Variants in PEAK1 observed in about 807,000 individuals in gnomAD.
PEAK1 encodes the protein inactive tyrosine-protein kinase PEAK1.
PEAK1 carries 54 observed loss-of-function variants against 124.7 expected under a neutral mutation model. The observed-to-expected ratio is 0.43, with a 90% CI of 0.35 to 0.54. PEAK1 has a LOEUF of 0.54. PEAK1 is among the 20% of genes least tolerant of loss of function. PEAK1 has a pLI of 0.01. For synonymous variants in PEAK1, 719 were observed against 760.0 expected, an observed-to-expected ratio of 0.95 and a Z score of 0.89; for missense variants, 2,046 against 2,134.5, an observed-to-expected ratio of 0.96 and a Z score of 0.82.
Position 77,418,487 on chromosome 15 carries a change from T to A in PEAK1, c.-666+1519A>T, listed in dbSNP as rs377734285. 59 of 985,160 alleles carry A rather than the reference T, an allele frequency of 6.0e-5. No homozygotes were observed. In the African/African-American group the frequency reaches 1.0e-3, roughly 17 times the overall value. 61.0% of individuals were successfully genotyped at this position (985,160 alleles called of 1,614,324 possible). A position where few individuals can be genotyped will look rare whatever the true frequency, so the allele number is the denominator to read the frequency against. On this transcript the variant is annotated intron_variant, in intron 1 of 9. Transcript: ENST00000682557. ...TGAGTTGGTCATATCCAAAATTCACTAGCAATGCTATGACTTCTACTTCCA... is the reference window on the plus strand; with the variant it reads ...TGAGTTGGTCATATCCAAAATTCACAAGCAATGCTATGACTTCTACTTCCA...
At chr15:77,420,832 T>G (rs1165766254), upstream of PEAK1, 1 of 398,476 alleles carries the variant, frequency 2.5e-6, no homozygotes, top group Non-Finnish European at 4.4e-6. Flanking sequence ...GTTAAGAGAT[T>G]AGGTAAAGAA....
At chr15:77,347,348 T>C in intron 2 of PEAK1, 1 of 985,286 alleles carries the variant, frequency 1.0e-6, no homozygotes, top group Non-Finnish European at 1.2e-6. Flanking sequence ...AAGCATGAGT[T>C]GAGAAATGCC....
At chr15:77,118,378 T>C (rs1477616837) in intron 9 of PEAK1, among the ~76,000 whole-genome samples, 1 of 152,102 alleles carries the variant, frequency 6.6e-6, no homozygotes, top group African/African-American at 2.4e-5. Context: ...TTATTCTAGG[T>C]ACCACATTGT....
intron 6 of PEAK1, among the ~76,000 whole-genome samples, chr15:77,202,976 G>A (rs1298308303): frequency 6.6e-6 from 1 of 150,914 alleles, no homozygotes; most frequent in Non-Finnish European, 1.5e-5. Flanking sequence ...GGCAGAGATT[G>A]CAGTGAGCTA....
intron 6 of PEAK1, among the ~76,000 whole-genome samples, chr15:77,215,710 A>G (rs1341902653): frequency 6.6e-6 from 1 of 152,066 alleles, no homozygotes; most frequent in Non-Finnish European, 1.5e-5. Context: ...TTAAACGATA[A>G]CTTCTTTTAG....
intron 1 of PEAK1, among the ~76,000 whole-genome samples, chr15:77,399,254 C>T (rs961654024): frequency 6.6e-6 from 1 of 151,968 alleles, no homozygotes; most frequent in Admixed American, 6.6e-5. Flanking sequence ...CAACCCAAAG[C>T]AATAGACAAT....
intron 5 of PEAK1, among the ~76,000 whole-genome samples, chr15:77,266,381 C>T (rs918137916): frequency 1.3e-5 from 2 of 152,068 alleles, no homozygotes; most frequent in African/African-American, 2.4e-5. Flanking sequence ...CTGAAACTCC[C>T]AACTCGGCCC....
chr15:77,210,247 G>A (rs1263942972), intron 6 of PEAK1, among the ~76,000 whole-genome samples: 1 of 152,164 alleles, frequency 6.6e-6, no homozygotes, highest in Admixed American at 6.5e-5. Context: ...TACCAGAGAT[G>A]TATATTAAAG....
At chr15:77,383,798 A>G (rs2069689506) in intron 1 of PEAK1, among the ~76,000 whole-genome samples, 2 of 152,158 alleles carry the variant, frequency 1.3e-5, no homozygotes, top group Admixed American at 1.3e-4. Context: ...GTCAATCTAA[A>G]CTTTTCTATT....
At chr15:77,408,126 T>C (rs62007287) in intron 1 of PEAK1, among the ~76,000 whole-genome samples, 2 of 141,288 alleles carry the variant, frequency 1.4e-5, no homozygotes, top group Non-Finnish European at 3.0e-5. Context: ...CATATATACA[T>C]ATAGACACAT....
At chr15:77,300,521 CAT>C (rs1407436142) in intron 2 of PEAK1, among the ~76,000 whole-genome samples, 4 of 152,164 alleles carry the variant, frequency 2.6e-5, no homozygotes, top group Admixed American at 2.0e-4. Context: ...GAAGATAGTA[CAT>C]AGAGTTCCCA....
At chr15:77,301,783 G>C (rs184799274) in intron 2 of PEAK1, among the ~76,000 whole-genome samples, 2 of 152,264 alleles carry the variant, frequency 1.3e-5, no homozygotes, top group East Asian at 1.9e-4. Flanking sequence ...ATGGAGTGGA[G>C]AGTTTTGCCT....
intron 5 of PEAK1, among the ~76,000 whole-genome samples, chr15:77,283,401 C>A (rs981157745): frequency 1.3e-5 from 2 of 151,912 alleles, no homozygotes; most frequent in Non-Finnish European, 2.9e-5. Flanking sequence ...AGAGAAAGCA[C>A]CATCATACCA....
chr15:77,147,206 C>T (rs1486330392), intron 8 of PEAK1, among the ~76,000 whole-genome samples: 6 of 152,118 alleles, frequency 3.9e-5, no homozygotes. Context: ...TGAAATTTTC[C>T]TAGATGAACT....
intron 1 of PEAK1, among the ~76,000 whole-genome samples, chr15:77,375,102 T>C (rs1221581355): frequency 2.6e-5 from 4 of 152,140 alleles, no homozygotes; most frequent in Non-Finnish European, 5.9e-5. Flanking sequence ...TAACATGAAT[T>C]TAAGCAGAAA....
intron 7 of PEAK1, among the ~76,000 whole-genome samples, chr15:77,171,222 T>A (rs1180956447): frequency 6.6e-6 from 1 of 152,188 alleles, no homozygotes; most frequent in Admixed American, 6.5e-5. Flanking sequence ...AACTTTTTGG[T>A]CTCAGGATTG....
At chr15:77,145,913 T>C (rs915306979) in intron 8 of PEAK1, among the ~76,000 whole-genome samples, 1 of 152,164 alleles carries the variant, frequency 6.6e-6, no homozygotes, top group Non-Finnish European at 1.5e-5. Flanking sequence ...AGGGAGATAG[T>C]TGGTGTTCAA....
At chr15:77,346,578 C>CAA in intron 2 of PEAK1, 1 of 985,366 alleles carries the variant, frequency 1.0e-6, no homozygotes, top group Non-Finnish European at 1.2e-6. Flanking sequence ...AGTCACATCT[C>CAA]AAGAGGTTTT....
chr15:77,299,353 T>C (rs1284347984), intron 2 of PEAK1, among the ~76,000 whole-genome samples: 1 of 152,212 alleles, frequency 6.6e-6, no homozygotes, highest in African/African-American at 2.4e-5. Context: ...TTCCCCAATT[T>C]GAAAGTTGCT....
Sources: allele counts gnomAD v4.1 joint callset (sites outside exome capture counted in the v4.1 genomes callset), GRCh38; gene constraint gnomAD v4.1.1; transcripts MANE v1.5; gene names NCBI Gene and HGNC (gene_info 2026-07-23, HGNC 2026-07-21).